Variants in PIK3R3 observed in about 807,000 individuals in gnomAD.
The protein encoded by PIK3R3 is phosphoinositide-3-kinase regulatory subunit 3.
In PIK3R3, 64 loss-of-function variants were observed where a neutral mutation model predicts 62.9. The ratio of observed to expected loss-of-function variants is 1.02; its 90% CI spans 0.83 to 1.25. The LOEUF is 1.25. Among genes scored for constraint, PIK3R3 ranks in the 50% most tolerant of loss-of-function variants. PIK3R3 has a pLI of 0.00. For missense variants in PIK3R3, 614 were observed against 561.6 expected (o/e 1.09, Z -0.94); for synonymous variants, 165 against 189.0 (o/e 0.87, Z 1.04).
chr1:46,166,235 T>C, the PIK3R3 span, among the ~76,000 whole-genome samples: 1 of 151,000 alleles, frequency 6.6e-6, no homozygotes, highest in African/African-American at 2.4e-5. Flanking sequence ...CTTTTCTTTT[T>C]TTTTCTGAGA....
intron 7 of PIK3R3, among the ~76,000 whole-genome samples, chr1:46,049,402 C>T (rs891094448): frequency 2.0e-5 from 3 of 152,304 alleles, no homozygotes; most frequent in Non-Finnish European, 2.9e-5. Context: ...ACAGGAGAAA[C>T]GACTTTGAAG....
chr1:46,105,461 G>A (rs373682809), intron 1 of PIK3R3, among the ~76,000 whole-genome samples: 4 of 151,568 alleles, frequency 2.6e-5, no homozygotes, highest in Admixed American at 6.6e-5. Flanking sequence ...CCAAGATCAC[G>A]CCACTGCACT....
Position 46,045,015 on chromosome 1 carries a change from CTTTG to C in PIK3R3, c.1187+899_1187+902del, listed in dbSNP as rs368532794. ...CTCTAAGGGCACAATCATTTTGTCA[CTTTG>C]TTTGACTTCTGCCACATCCATCAGT... On this transcript the variant is annotated intron_variant, in intron 9 of 9. Coordinates refer to ENST00000262741, the MANE Select transcript of PIK3R3 (RefSeq NM_003629.4). Among the ~76,000 whole-genome samples, 173 of 152,336 alleles carry C rather than the reference CTTTG, an allele frequency of 1.1e-3. 1 individual carries two copies. The highest frequency in any genetic ancestry group is 4.4e-3 in the East Asian group (23 of 5,188).
intron 6 of PIK3R3, among the ~76,000 whole-genome samples, chr1:46,060,673 C>T (rs1648400685): frequency 6.6e-6 from 1 of 152,068 alleles, no homozygotes; most frequent in South Asian, 2.1e-4. Context: ...GAATTCAAGC[C>T]CATAGTTTTA....
At chr1:46,105,063 G>A (rs568119665) in intron 1 of PIK3R3, 11 of 747,398 alleles carry the variant, frequency 1.5e-5, no homozygotes, top group Admixed American at 8.7e-5. Context: ...GTATTAGCTA[G>A]TGGAGCCACT....
the PIK3R3 span, among the ~76,000 whole-genome samples, chr1:46,142,591 G>C: frequency 5.3e-5 from 8 of 152,052 alleles, no homozygotes; most frequent in Non-Finnish European, 1.2e-4. Context: ...CCAGCTACTC[G>C]GGAGGCTGAG....
chr1:46,046,572 A>G lies in PIK3R3; in HGVS notation c.995T>C (p.Ile332Thr). The change falls in exon 8 of 10, where the codon ATT (isoleucine) becomes ACT (threonine). Residue 332 changes from isoleucine to threonine, a missense_variant. Coordinates refer to ENST00000262741, the MANE Select transcript of PIK3R3 (RefSeq NM_003629.4). ...RQKRLNVWLGIKNEDADENYF... is the reference protein window; with the variant it reads ...RQKRLNVWLGTKNEDADENYF... The stretch of plus-strand genomic sequence containing the variant: ...TTACTCATCAGCATCCTCATTCTTA[A>G]TTCCCAGCCAGACATTCAGGCGTTT... 6.2e-7 allele frequency: 1 copy of G among 1,613,136 alleles called. No homozygotes were observed. The highest frequency in any genetic ancestry group is 8.5e-7 in the Non-Finnish European group (1 of 1,179,092).
At chr1:46,048,850 G>A (rs1330041390) in intron 7 of PIK3R3, among the ~76,000 whole-genome samples, 1 of 152,130 alleles carries the variant, frequency 6.6e-6, no homozygotes, top group East Asian at 1.9e-4. Context: ...CTAGTTCTGA[G>A]TCCTTACAAA....
the PIK3R3 span, among the ~76,000 whole-genome samples, chr1:46,165,189 A>G: frequency 6.6e-6 from 1 of 151,886 alleles, no homozygotes; most frequent in South Asian, 2.1e-4. Flanking sequence ...TTTGCCACAC[A>G]TACCCCCAAA....
intron 1 of PIK3R3, among the ~76,000 whole-genome samples, chr1:46,130,596 A>G (rs939656964): frequency 5.3e-5 from 8 of 152,324 alleles, no homozygotes; most frequent in Middle Eastern, 6.8e-3. Context: ...ACCGTTTGCA[A>G]GGACACAGGA....
At chr1:46,057,108 C>T (rs1571371620) in intron 6 of PIK3R3, 2 of 152,214 alleles carry the variant, frequency 1.3e-5, no homozygotes, top group East Asian at 1.9e-4. Flanking sequence ...GGCGGTTCCC[C>T]CATACTGTTC....
At chr1:46,157,131 G>T in the PIK3R3 span, among the ~76,000 whole-genome samples, 2 of 152,120 alleles carry the variant, frequency 1.3e-5, no homozygotes, top group Non-Finnish European at 2.9e-5. Context: ...CTGAGGTTTG[G>T]ATTGGCTTTC....
At chr1:46,135,452 G>GA (rs1655894924), upstream of PIK3R3, among the ~76,000 whole-genome samples, 1 of 152,126 alleles carries the variant, frequency 6.6e-6, no homozygotes, top group Non-Finnish European at 1.5e-5. Context: ...CACTTAGAAT[G>GA]AAAAAATATG....
chr1:46,137,567 G>T (rs1655975299), upstream of PIK3R3, among the ~76,000 whole-genome samples: 1 of 152,196 alleles, frequency 6.6e-6, no homozygotes, highest in African/African-American at 2.4e-5. Flanking sequence ...TTAGAAAGTG[G>T]CAAACTCCTA....
intron 2 of PIK3R3, among the ~76,000 whole-genome samples, chr1:46,077,999 G>C (rs1461734693): frequency 6.6e-6 from 1 of 152,174 alleles, no homozygotes; most frequent in East Asian, 1.9e-4. Context: ...AGCTGTTTCT[G>C]AACAGAAGGG....
upstream of PIK3R3, chr1:46,133,046 T>C (rs913638854): frequency 9.8e-7 from 1 of 1,021,598 alleles, no homozygotes. Context: ...TGCCGGAGCC[T>C]GGAGCCTGCG....
intron 1 of PIK3R3, among the ~76,000 whole-genome samples, chr1:46,101,055 C>T (rs934411832): frequency 6.7e-6 from 1 of 150,284 alleles, no homozygotes; most frequent in Non-Finnish European, 1.5e-5. Flanking sequence ...ATCTGTAATC[C>T]CAGCTACTCG....
At chr1:46,060,376 G>A (rs142359366) in intron 6 of PIK3R3, among the ~76,000 whole-genome samples, 372 of 151,908 alleles carry the variant, frequency 2.4e-3, no homozygotes, top group Non-Finnish European at 3.6e-3. Flanking sequence ...TGTAATCCCA[G>A]CGACTCAGGA....
chr1:46,171,850 A>T, the PIK3R3 span, among the ~76,000 whole-genome samples: 1 of 152,034 alleles, frequency 6.6e-6, no homozygotes. Context: ...TCTAGCCCAG[A>T]GCTGTTCTCT....
Sources: gnomAD v4.1 joint callset for allele counts (sites outside exome capture counted in the v4.1 genomes callset) on GRCh38, gnomAD v4.1.1 for gene constraint, MANE v1.5 for transcripts, NCBI Gene and HGNC (gene_info 2026-07-23, HGNC 2026-07-21) for gene names.